The following TMIGD3 variants were observed in gnomAD, a reference collection of about 807,000 sequenced individuals.
TMIGD3 encodes AD026 protein (AD026).
Under a neutral mutation model 28.1 loss-of-function variants are expected in TMIGD3, and 21 were observed. That is an observed-to-expected ratio of 0.75 (90% CI 0.53 to 1.08). The LOEUF (loss-of-function observed/expected upper bound fraction) is 1.08, where lower values mean the gene tolerates loss of function less well. Among genes scored for constraint, TMIGD3 ranks in the 50% least tolerant of loss-of-function variants. TMIGD3 has a pLI of 0.00. For synonymous variants in TMIGD3, 151 were observed against 162.1 expected, an observed-to-expected ratio of 0.93 and a Z score of 0.52; for missense variants, 416 against 435.6, an observed-to-expected ratio of 0.96 and a Z score of 0.40.
intron 1 of TMIGD3, among the ~76,000 whole-genome samples, chr1:111,558,379 G>T (rs1383084335): frequency 2.6e-5 from 4 of 151,452 alleles, no homozygotes; most frequent in African/African-American, 9.7e-5. Context: ...TTAAGACAGG[G>T]TTTTGCCATG....
intron 1 of TMIGD3, among the ~76,000 whole-genome samples, chr1:111,558,242 A>G (rs1657583820): frequency 6.6e-6 from 1 of 152,154 alleles, no homozygotes; most frequent in Admixed American, 6.5e-5. Context: ...CAGTGGCGCA[A>G]TCTTGGCTCA....
At chr1:111,510,465 A>G (rs1180857353) in intron 1 of TMIGD3, among the ~76,000 whole-genome samples, 1 of 152,130 alleles carries the variant, frequency 6.6e-6, no homozygotes, top group African/African-American at 2.4e-5. Flanking sequence ...GCTAGAAAAG[A>G]GGTCGTTTTT....
intron 1 of TMIGD3, among the ~76,000 whole-genome samples, chr1:111,540,945 C>T (rs1021935426): frequency 6.6e-6 from 1 of 152,172 alleles, no homozygotes; most frequent in African/African-American, 2.4e-5. Context: ...AATCAAATGC[C>T]TATGGAACGA....
chr1:111,487,758 A>G (rs1003283534), intron 3 of TMIGD3, among the ~76,000 whole-genome samples: 3 of 152,230 alleles, frequency 2.0e-5, no homozygotes, highest in African/African-American at 7.2e-5. Context: ...CCTTAAAAGC[A>G]AAATAGGGTG....
chr1:111,537,636 G>A (rs1225644933), intron 1 of TMIGD3, among the ~76,000 whole-genome samples: 1 of 152,172 alleles, frequency 6.6e-6, no homozygotes, highest in African/African-American at 2.4e-5. Context: ...TTTTTAAAGA[G>A]GAGCTTTCCC....
intron 1 of TMIGD3, among the ~76,000 whole-genome samples, chr1:111,545,246 G>T (rs1038303760): frequency 2.0e-5 from 3 of 152,078 alleles, no homozygotes; most frequent in Non-Finnish European, 2.9e-5. Flanking sequence ...CACCGGCAAT[G>T]TATGAGGATT....
At chr1:111,542,427 T>G (rs1361503336) in intron 1 of TMIGD3, 1 of 233,618 alleles carries the variant, frequency 4.3e-6, no homozygotes, top group Non-Finnish European at 8.9e-6. Flanking sequence ...GGTGAAAAAC[T>G]GGGCTCCGCC....
At chr1:111,495,364 G>A (rs1411747987) in intron 1 of TMIGD3, among the ~76,000 whole-genome samples, 1 of 152,158 alleles carries the variant, frequency 6.6e-6, no homozygotes, top group East Asian at 1.9e-4. Flanking sequence ...GTGAAGAAAA[G>A]CTCAATATCA....
upstream of TMIGD3, chr1:111,505,124 CAAAAAAAA>C (rs754473063): frequency 9.7e-5 from 10 of 103,400 alleles, no homozygotes; most frequent in Admixed American, 2.7e-4. Context: ...AGCACTCTGC[CAAAAAAAA>C]AAAAAAAAAA....
At chr1:111,560,109 A>G (rs1215742434) in intron 1 of TMIGD3, among the ~76,000 whole-genome samples, 2 of 152,234 alleles carry the variant, frequency 1.3e-5, no homozygotes, top group East Asian at 3.8e-4. Context: ...TTGGAAGCTC[A>G]GAGATTACAA....
At position 111,548,620 on chromosome 1, in the gene TMIGD3, C is replaced by T. The variant is rs138972672; in HGVS notation, c.107+15226G>A. Among the ~76,000 whole-genome samples the T allele has an allele frequency of 5.3e-3, 813 of 152,264 alleles. 4 individuals carry two copies. Among genetic ancestry groups the T allele is most frequent in the Non-Finnish European group, 9.3e-3 (635 of 68,022 alleles). On this transcript the variant is annotated intron_variant, in intron 1 of 5. Transcript: ENST00000369717. ...ATTGACTATTGTTTCTGCTGTTAAT[C>T]GTTGATCCTCTTCAATTAGGTCACA... is the stretch of plus-strand genomic sequence containing the variant.
In TMIGD3 at chr1:111,490,717, C is replaced by G. The variant is rs779991494; in HGVS notation, c.396G>C (p.Leu132Phe). 1 of 1,614,074 alleles carries G rather than the reference C, an allele frequency of 6.2e-7. No individual in the cohort carries two copies. Among genetic ancestry groups the G allele is most frequent in the African/African-American group, 1.3e-5 (1 of 75,032 alleles). ...ACATGACTGGAAGGAAGCAAACTTT[C>G]AACTGGAATGATAGAATGCACCCAG... ...GLPGCILSFQ[L>F]KVCFLPVMWL... Residue 132 changes from leucine (L) to phenylalanine (F), a missense_variant, in exon 2 of 6, where the codon TTG becomes TTC. Leu to Phe is a conservative substitution (Grantham distance 22). Coordinates refer to ENST00000369716, the MANE Select transcript of TMIGD3 (RefSeq NM_020683.7).
chr1:111,532,546 G>A (rs1023988071), intron 1 of TMIGD3, among the ~76,000 whole-genome samples: 7 of 152,154 alleles, frequency 4.6e-5, no homozygotes, highest in African/African-American at 1.4e-4. Context: ...TCCAAGCACT[G>A]TGGGAGGCTG....
intron 1 of TMIGD3, among the ~76,000 whole-genome samples, chr1:111,521,458 C>T (rs1443824201): frequency 1.3e-5 from 2 of 152,118 alleles, no homozygotes; most frequent in South Asian, 2.1e-4. Flanking sequence ...CAGTTGCTTT[C>T]GTTTTAGCCA....
chr1:111,517,155 TTTAG>T, intron 1 of TMIGD3, among the ~76,000 whole-genome samples: 1 of 152,250 alleles, frequency 6.6e-6, no homozygotes, highest in East Asian at 1.9e-4. Flanking sequence ...CATGGAAACA[TTTAG>T]GGCAAAGAGG....
chr1:111,485,612 G>T, intron 5 of TMIGD3, 128 bp downstream of exon 5: 1 of 681,714 alleles, frequency 1.5e-6, no homozygotes. Context: ...CCCATGGCTG[G>T]CTGCATTGGT....
At chr1:111,488,528 G>A in intron 3 of TMIGD3, 149 bp downstream of exon 3, 1 of 682,980 alleles carries the variant, frequency 1.5e-6, no homozygotes, top group Non-Finnish European at 2.4e-6. Context: ...ACCACCCTAT[G>A]TTTGCCGGAG....
intron 1 of TMIGD3, chr1:111,500,187 A>G: frequency 6.2e-7 from 1 of 1,614,230 alleles, no homozygotes. Flanking sequence ...GCCATGACAG[A>G]GCAAACAAGA....
intron 1 of TMIGD3, among the ~76,000 whole-genome samples, chr1:111,545,212 A>G (rs1165468247): frequency 6.6e-6 from 1 of 152,116 alleles, no homozygotes; most frequent in Admixed American, 6.5e-5. Flanking sequence ...ACTGTTTTCC[A>G]TAGCAGCTGC....
Sources: allele counts gnomAD v4.1 joint callset (sites outside exome capture counted in the v4.1 genomes callset), GRCh38; gene constraint gnomAD v4.1.1; transcripts MANE v1.5; gene names NCBI Gene and HGNC (gene_info 2026-07-23, HGNC 2026-07-21).